The following MAPRE2 variants were observed in gnomAD, a reference collection of about 807,000 sequenced individuals.
MAPRE2 encodes the protein microtubule associated protein RP/EB family member 2.
In MAPRE2, 13 loss-of-function variants were observed where a neutral mutation model predicts 43.2. That is an observed-to-expected ratio of 0.30 (90% CI 0.20 to 0.48). MAPRE2 has a LOEUF of 0.48. Ranked by LOEUF, MAPRE2 falls within the 20% of genes least tolerant of loss-of-function variation. The pLI is 0.99. For synonymous variants in MAPRE2, 135 were observed against 148.8 expected (o/e 0.91, Z 0.68); for missense variants, 161 against 400.2 (o/e 0.40, Z 5.10).
intron 2 of MAPRE2, among the ~76,000 whole-genome samples, chr18:35,079,784 C>T (rs757396473): frequency 1.3e-5 from 2 of 152,152 alleles, no homozygotes; most frequent in Non-Finnish European, 2.9e-5. Context: ...AGGAAAGCTT[C>T]GTAGAGGAGG....
At chr18:34,994,330 A>G (rs1228592850) in intron 1 of MAPRE2, among the ~76,000 whole-genome samples, 1 of 152,166 alleles carries the variant, frequency 6.6e-6, no homozygotes, top group Non-Finnish European at 1.5e-5. Flanking sequence ...GCACTATTCA[A>G]CATTAAGCTA....
chr18:35,022,098 C>G (rs190183065), intron 2 of MAPRE2, among the ~76,000 whole-genome samples: 1 of 152,136 alleles, frequency 6.6e-6, no homozygotes, highest in Non-Finnish European at 1.5e-5. Flanking sequence ...AATATAAAAA[C>G]AAATAGATAA....
intron 4 of MAPRE2, among the ~76,000 whole-genome samples, chr18:35,111,213 C>G (rs983556394): frequency 6.6e-5 from 10 of 152,122 alleles, no homozygotes; most frequent in African/African-American, 2.4e-4. Context: ...CCTCTGTCAT[C>G]TTCATTCTAC....
intron 2 of MAPRE2, among the ~76,000 whole-genome samples, chr18:35,091,912 T>C (rs779346189): frequency 6.6e-6 from 1 of 152,218 alleles, no homozygotes; most frequent in Non-Finnish European, 1.5e-5. Context: ...GGCTCACAGT[T>C]CTGCAGGCTG....
intron 4 of MAPRE2, among the ~76,000 whole-genome samples, chr18:35,109,123 C>T (rs992227514): frequency 7.2e-5 from 11 of 152,134 alleles, no homozygotes; most frequent in African/African-American, 2.7e-4. Flanking sequence ...TTTAATCCAT[C>T]TTGAGTTAAT....
At chr18:35,123,026 C>T (rs921383052) in intron 4 of MAPRE2, among the ~76,000 whole-genome samples, 3 of 152,228 alleles carry the variant, frequency 2.0e-5, no homozygotes, top group African/African-American at 7.2e-5. Flanking sequence ...TGTGCCCTCC[C>T]TCCCTGCCGT....
chr18:34,987,135 G>A (rs1472298778), intron 1 of MAPRE2, among the ~76,000 whole-genome samples: 1 of 152,220 alleles, frequency 6.6e-6, no homozygotes, highest in Non-Finnish European at 1.5e-5. Flanking sequence ...TTTTAATTTT[G>A]TAAGATATTT....
intron 4 of MAPRE2, among the ~76,000 whole-genome samples, chr18:35,103,437 A>G (rs35580581): frequency 0.14 from 20,640 of 152,188 alleles, 1,685 homozygotes; most frequent in East Asian, 0.22. Context: ...AGATTTGGGA[A>G]GAAATCTTGA....
intron 4 of MAPRE2, among the ~76,000 whole-genome samples, chr18:35,105,255 G>A (rs1344469255): frequency 6.6e-6 from 1 of 152,218 alleles, no homozygotes; most frequent in Admixed American, 6.5e-5. Flanking sequence ...TATTTTTAAT[G>A]TTCTGGAAGG....
chr18:35,122,223 A>T (rs2144226578), intron 4 of MAPRE2, among the ~76,000 whole-genome samples: 2 of 152,332 alleles, frequency 1.3e-5, no homozygotes, highest in Admixed American at 1.3e-4. Flanking sequence ...GTGAGGGGTA[A>T]ATTACTTCCG....
At chr18:35,127,156 C>T (rs902096296) in intron 5 of MAPRE2, 69 bp downstream of exon 5, 1 of 1,538,828 alleles carries the variant, frequency 6.5e-7, no homozygotes, top group Non-Finnish European at 9.0e-7. Context: ...GCCTAGGATC[C>T]CCTAGGACTG....
intron 4 of MAPRE2, among the ~76,000 whole-genome samples, chr18:35,123,757 G>A (rs939902118): frequency 6.6e-6 from 1 of 152,160 alleles, no homozygotes; most frequent in Admixed American, 6.5e-5. Flanking sequence ...CCTTACCCTG[G>A]AGAGATGCCT....
At chr18:35,038,027 C>T (rs1004200801), upstream of MAPRE2, among the ~76,000 whole-genome samples, 5 of 152,208 alleles carry the variant, frequency 3.3e-5, no homozygotes, top group Admixed American at 6.5e-5. Context: ...TCTATGCTGA[C>T]CCCTACAGCT....
chr18:35,019,797 T>C (rs2097040803), intron 2 of MAPRE2, among the ~76,000 whole-genome samples: 1 of 152,098 alleles, frequency 6.6e-6, no homozygotes, highest in African/African-American at 2.4e-5. Context: ...CATACCTATG[T>C]GTCCCCATAT....
At chr18:35,071,883 A>G (rs1907133590) in intron 2 of MAPRE2, among the ~76,000 whole-genome samples, 1 of 152,172 alleles carries the variant, frequency 6.6e-6, no homozygotes. Flanking sequence ...CTCACTCACA[A>G]ATCTATGCCT....
chr18:34,983,320 C>A (rs2097017360), intron 1 of MAPRE2, among the ~76,000 whole-genome samples: 1 of 152,190 alleles, frequency 6.6e-6, no homozygotes, highest in Non-Finnish European at 1.5e-5. Flanking sequence ...ATACGGTCAA[C>A]TGTAAAACTT....
At chr18:35,024,628 T>G (rs1342771781) in intron 2 of MAPRE2, among the ~76,000 whole-genome samples, 1 of 152,220 alleles carries the variant, frequency 6.6e-6, no homozygotes, top group African/African-American at 2.4e-5. Flanking sequence ...TTTCCCATTT[T>G]GGAGAGAATT....
chr18:35,063,386 C>A (rs574460363), intron 1 of MAPRE2, among the ~76,000 whole-genome samples: 3 of 151,732 alleles, frequency 2.0e-5, no homozygotes, highest in African/African-American at 7.3e-5. Flanking sequence ...GGATTACAGG[C>A]GTGAGCCACT....
At chr18:35,041,361 T>A, upstream of MAPRE2, 2 of 1,449,820 alleles carry the variant, frequency 1.4e-6, no homozygotes, top group Non-Finnish European at 9.0e-7. Context: ...CGCTCTGACG[T>A]CAGCTGCCAG....
Sources: allele counts gnomAD v4.1 joint callset (sites outside exome capture counted in the v4.1 genomes callset), GRCh38; gene constraint gnomAD v4.1.1; transcripts MANE v1.5; gene names NCBI Gene and HGNC (gene_info 2026-07-23, HGNC 2026-07-21).